Variants in SNTG1 observed in about 807,000 individuals in gnomAD.
SNTG1 encodes the protein syntrophin gamma 1.
A neutral mutation model predicts 74.7 loss-of-function variants in SNTG1; 39 were observed. That is an observed-to-expected ratio of 0.52 (90% CI 0.40 to 0.68). The LOEUF (loss-of-function observed/expected upper bound fraction) is 0.68, where lower values mean the gene tolerates loss of function less well. SNTG1 is among the 30% of genes least tolerant of loss of function. The pLI is 0.00. For missense variants in SNTG1, 685 were observed against 609.5 expected (o/e 1.12, Z -1.30); for synonymous variants, 254 against 217.1 (o/e 1.17, Z -1.49).
At position 50,254,076 on chromosome 8, in the gene SNTG1, A is replaced by C. The variant is rs375029352; in HGVS notation, c.-28+81441A>C. Among the ~76,000 whole-genome samples, 6 of 152,322 alleles carry C rather than the reference A, an allele frequency of 3.9e-5. No individual in the cohort carries two copies. In the East Asian group the frequency reaches 1.2e-3, roughly 29 times the overall value. On this transcript the variant is annotated intron_variant, in intron 2 of 18. Transcript: ENST00000642720. Reference sequence around the variant, plus strand: ...TATTCTCACCTCAATGAAATGATCAATGCATGAGGTGATGGATACACTCGA... The same window carrying C: ...TATTCTCACCTCAATGAAATGATCACTGCATGAGGTGATGGATACACTCGA...
At chr8:50,448,312 CA>C (rs879616832) in intron 5 of SNTG1, among the ~76,000 whole-genome samples, 196 of 136,842 alleles carry the variant, frequency 1.4e-3, no homozygotes, top group East Asian at 7.7e-3. Context: ...CTCTACTTGC[CA>C]AAAAAAAAAA....
At chr8:49,956,874 T>C (rs1271463576) in intron 1 of SNTG1, among the ~76,000 whole-genome samples, 1 of 152,162 alleles carries the variant, frequency 6.6e-6, no homozygotes, top group Non-Finnish European at 1.5e-5. Context: ...AAAGATTTTC[T>C]TTCCCCTCCT....
At chr8:49,925,148 G>A (rs1806906436) in intron 1 of SNTG1, among the ~76,000 whole-genome samples, 1 of 152,040 alleles carries the variant, frequency 6.6e-6, no homozygotes, top group South Asian at 2.1e-4. Flanking sequence ...ACCAGTACCT[G>A]TCTCTAAAAA....
At position 50,059,503 on chromosome 8, in the gene SNTG1, T is replaced by C. The variant is rs186456491; in HGVS notation, c.-102-113058T>C. 2.6e-5 allele frequency among the ~76,000 whole-genome samples: 4 copies of C among 152,212 alleles called. No homozygotes were observed. In the East Asian group the frequency reaches 7.7e-4, roughly 29 times the overall value. On this transcript the variant is annotated intron_variant, in intron 1 of 18. Coordinates refer to ENST00000642720, the MANE Select transcript of SNTG1 (RefSeq NM_018967.5). The stretch of plus-strand genomic sequence containing the variant: ...CCTCTAAACATTACCCTCCCATTTA[T>C]CCAATTCCTCAAGCCTTGGTATACC...
chr8:50,343,189 T>C (rs571126005), intron 2 of SNTG1, among the ~76,000 whole-genome samples: 2 of 152,244 alleles, frequency 1.3e-5, no homozygotes, highest in Middle Eastern at 3.4e-3. Context: ...AACCTCCCAG[T>C]GAGTATACAG....
chr8:50,474,712 C>T (rs1211522102), intron 8 of SNTG1, among the ~76,000 whole-genome samples: 1 of 152,100 alleles, frequency 6.6e-6, no homozygotes, highest in Non-Finnish European at 1.5e-5. Context: ...TTTGACCCAG[C>T]AATCCCATTA....
At chr8:50,315,984 C>A (rs529345639) in intron 2 of SNTG1, among the ~76,000 whole-genome samples, 24 of 152,256 alleles carry the variant, frequency 1.6e-4, no homozygotes, top group African/African-American at 5.5e-4. Flanking sequence ...TGTTTTTCCC[C>A]ATTTTTTGAT....
intron 2 of SNTG1, among the ~76,000 whole-genome samples, chr8:50,386,825 AAC>A (rs1374394808): frequency 6.6e-6 from 1 of 151,960 alleles, no homozygotes; most frequent in Non-Finnish European, 1.5e-5. Context: ...CCATAACACA[AAC>A]ACTCTCCACC....
chr8:50,035,031 G>A (rs139624209), intron 1 of SNTG1, among the ~76,000 whole-genome samples: 43 of 152,256 alleles, frequency 2.8e-4, no homozygotes, highest in African/African-American at 1.0e-3. Context: ...GCTGGGTGAT[G>A]CCCCACATAG....
chr8:49,977,480 T>G (rs1389233593), intron 1 of SNTG1, among the ~76,000 whole-genome samples: 13 of 152,278 alleles, frequency 8.5e-5, no homozygotes, highest in South Asian at 2.1e-4. Flanking sequence ...ACTAGTTAGA[T>G]CTCATCTTTA....
chr8:50,322,728 CTTAT>C (rs1451417900), intron 2 of SNTG1, among the ~76,000 whole-genome samples: 2 of 151,706 alleles, frequency 1.3e-5, no homozygotes, highest in East Asian at 3.9e-4. Flanking sequence ...GTTTTTTATT[CTTAT>C]TTCTTTTGTC....
intron 2 of SNTG1, among the ~76,000 whole-genome samples, chr8:50,243,677 GTAAT>G (rs757530215): frequency 2.1e-5 from 3 of 139,608 alleles, no homozygotes; most frequent in East Asian, 2.0e-4. Context: ...AGGTCTCAGG[GTAAT>G]TAATTAATTT....
At chr8:49,913,619 T>C (rs1273473571) in intron 1 of SNTG1, among the ~76,000 whole-genome samples, 1 of 152,202 alleles carries the variant, frequency 6.6e-6, no homozygotes, top group African/African-American at 2.4e-5. Flanking sequence ...TCAAGAATGA[T>C]TATCTGAGGA....
At chr8:50,614,692 A>G (rs2094874630) in intron 13 of SNTG1, among the ~76,000 whole-genome samples, 1 of 152,200 alleles carries the variant, frequency 6.6e-6, no homozygotes, top group Non-Finnish European at 1.5e-5. Context: ...AGAATGGCTA[A>G]AATGGATGTG....
intron 17 of SNTG1, among the ~76,000 whole-genome samples, chr8:50,725,120 AT>A (rs1191193642): frequency 6.6e-6 from 1 of 152,200 alleles, no homozygotes; most frequent in African/African-American, 2.4e-5. Context: ...AAAGTTATGC[AT>A]AAAGAATGAT....
chr8:50,518,889 G>A (rs1049117113), intron 9 of SNTG1, among the ~76,000 whole-genome samples: 13 of 152,128 alleles, frequency 8.5e-5, no homozygotes, highest in Non-Finnish European at 1.3e-4. Context: ...ACAGGAGCTG[G>A]CACCATTCCT....
At chr8:50,706,314 T>G (rs2095443255) in intron 16 of SNTG1, among the ~76,000 whole-genome samples, 1 of 152,150 alleles carries the variant, frequency 6.6e-6, no homozygotes, top group Non-Finnish European at 1.5e-5. Flanking sequence ...TATGATTTTA[T>G]TCTGAGTCAA....
chr8:50,314,254 T>C (rs930213698), intron 2 of SNTG1, among the ~76,000 whole-genome samples: 1 of 146,244 alleles, frequency 6.8e-6, no homozygotes, highest in African/African-American at 2.7e-5. Context: ...ATATGTCTTG[T>C]TTTTTTTTAA....
chr8:50,412,661 G>C lies in SNTG1; in HGVS notation c.162+10317G>C, dbSNP rs567534351. Reference sequence around the variant, plus strand: ...TCAGGAACTGCTTTCCAGAGGATGTGATTAAGGTCCCACCTCTTAAATAGC... The same window carrying C: ...TCAGGAACTGCTTTCCAGAGGATGTCATTAAGGTCCCACCTCTTAAATAGC... On this transcript the variant is annotated intron_variant, in intron 4 of 18. Coordinates refer to ENST00000642720, the MANE Select transcript of SNTG1 (RefSeq NM_018967.5). Among the ~76,000 whole-genome samples, 498 of 152,294 alleles carry C rather than the reference G, an allele frequency of 3.3e-3. 1 individual carries two copies. Among genetic ancestry groups the C allele is most frequent in the Non-Finnish European group, 3.4e-3 (234 of 68,030 alleles).
Sources: gnomAD v4.1 joint callset for allele counts (sites outside exome capture counted in the v4.1 genomes callset) on GRCh38, gnomAD v4.1.1 for gene constraint, MANE v1.5 for transcripts, NCBI Gene and HGNC (gene_info 2026-07-23, HGNC 2026-07-21) for gene names.